GPSM1: variants seen among roughly 807,000 people sequenced by gnomAD.
GPSM1 encodes G protein-signaling modulator 1.
A neutral mutation model predicts 70.5 loss-of-function variants in GPSM1; 48 were observed. The ratio of observed to expected loss-of-function variants is 0.68; its 90% CI spans 0.54 to 0.87. The LOEUF (loss-of-function observed/expected upper bound fraction) is 0.87, where lower values mean the gene tolerates loss of function less well. Ranked by LOEUF, GPSM1 falls within the 40% of genes least tolerant of loss-of-function variation. GPSM1 has a pLI of 0.00. For synonymous variants in GPSM1, 416 were observed against 430.1 expected (o/e 0.97, Z 0.41); for missense variants, 981 against 972.6 (o/e 1.01, Z -0.11).
chr9:136,358,292 C>T lies in GPSM1; in HGVS notation c.*72C>T, dbSNP rs1832900464. 7.6e-7 allele frequency: 1 copy of T among 1,322,792 alleles called. No individual in the cohort carries two copies. Among genetic ancestry groups the T allele is most frequent in the South Asian group, 1.3e-5 (1 of 78,306 alleles). 81.9% of individuals were successfully genotyped at this position (1,322,792 alleles called of 1,614,324 possible). A position where few individuals can be genotyped will look rare whatever the true frequency, so the allele number is the denominator to read the frequency against. ...CCGGTCTCACAGTCACAGCCACGTCCTCCCGAGGCCATTGCCGAGGACAGG... is the reference window on the plus strand; with the variant it reads ...CCGGTCTCACAGTCACAGCCACGTCTTCCCGAGGCCATTGCCGAGGACAGG... On this transcript the variant is annotated 3_prime_UTR_variant, in exon 14 of 14. Transcript: ENST00000440944.
chr9:136,353,973 C>T (rs149898339), intron 11 of GPSM1, among the ~76,000 whole-genome samples: 430 of 152,350 alleles, frequency 2.8e-3, no homozygotes, highest in African/African-American at 9.8e-3. Flanking sequence ...CCAATTCTCC[C>T]CTCCCTCCTG....
At chr9:136,350,484 C>T (rs1832633091) in intron 11 of GPSM1, among the ~76,000 whole-genome samples, 1 of 152,234 alleles carries the variant, frequency 6.6e-6, no homozygotes, top group South Asian at 2.1e-4. Context: ...ACCTGCAGCT[C>T]CAGCTGGGCC....
rs1554770210 is a variant in GPSM1, at chr9:136,341,109, A to G, written c.1207+116A>G. 8 of 1,549,896 alleles carry G rather than the reference A, an allele frequency of 5.2e-6. No homozygotes were observed. The Admixed American group carries it at 9.8e-5, about 19-fold the overall frequency. ...ATGGCGGAGGTGGCAGCCGCCAGAA[A>G]ATGGCGCCTACAAGCCAGTTCTTCT... On this transcript the variant is annotated intron_variant, in intron 9 of 13. Transcript: ENST00000440944. The surrounding 1 kb of genome is among the most constrained non-coding windows in gnomAD (Gnocchi z 6.7).
rs1554770564 is a variant in GPSM1 at position 136,342,791 on chromosome 9, G to A, written c.1207+1798G>A. On this transcript the variant is annotated intron_variant, in intron 9 of 13. Coordinates refer to ENST00000440944, the MANE Select transcript of GPSM1 (RefSeq NM_001145638.3). This position sits in a 1 kb window ranked among gnomAD's most constrained non-coding sequence, Gnocchi z 5.5. ...GAGGGGGGTGCAGAGCCGCGCTAGA[G>A]CCTGGCCGTGCGGAGGGGGCGCCAG... Among the ~76,000 whole-genome samples the A allele has an allele frequency of 6.6e-6, 1 of 151,900 alleles. No individual in the cohort carries two copies. Among genetic ancestry groups the A allele is most frequent in the Non-Finnish European group, 1.5e-5 (1 of 67,934 alleles).
chr9:136,354,919 C>A, intron 11 of GPSM1: 1 of 1,024,620 alleles, frequency 9.8e-7, no homozygotes, highest in Non-Finnish European at 1.2e-6. Flanking sequence ...GTGTTCCAGG[C>A]CAAGGCTGGG....
intron 5 of GPSM1, 52 bp from the exon 6 acceptor site, chr9:136,337,794 T>C (rs200139324): frequency 5.6e-6 from 8 of 1,416,360 alleles, no homozygotes; most frequent in Non-Finnish European, 8.0e-6. Flanking sequence ...TCCGCCCACG[T>C]CAGGCCCCGG....
At chr9:136,337,628 C>G in intron 5 of GPSM1, 64 bp downstream of exon 5, 1 of 1,470,056 alleles carries the variant, frequency 6.8e-7, no homozygotes. Context: ...CTGAGCCACC[C>G]TCTTGGCGGT....
rs1832916362 is a variant in GPSM1 at position 136,358,783 on chromosome 9, T to C, written c.*563T>C. The C allele has an allele frequency of 6.1e-6, 1 of 163,878 alleles. No individual in the cohort carries two copies. Among genetic ancestry groups the C allele is most frequent in the Non-Finnish European group, 1.3e-5 (1 of 76,650 alleles). The allele number at this position is 163,878 out of a possible 1,614,324, so 10.2% of individuals were successfully genotyped here. A position where few individuals can be genotyped will look rare whatever the true frequency, so the allele number is the denominator to read the frequency against. On this transcript the variant is annotated 3_prime_UTR_variant, in exon 14 of 14. Coordinates refer to ENST00000440944, the MANE Select transcript of GPSM1 (RefSeq NM_001145638.3). Reference sequence around the variant, plus strand: ...CACAGAAGGCCCCCCAGACCACGCATGGCAGACCAGGCTGCAGTGGCAGCC... The same window carrying C: ...CACAGAAGGCCCCCCAGACCACGCACGGCAGACCAGGCTGCAGTGGCAGCC...
intron 1 of GPSM1, among the ~76,000 whole-genome samples, chr9:136,331,545 A>C (rs1476748172): frequency 3.3e-5 from 5 of 152,286 alleles, no homozygotes; most frequent in Middle Eastern, 6.8e-3. Context: ...GCCTGGGGGA[A>C]GAGGTGCTGG....
Position 136,356,322 on chromosome 9 carries a change from C to T in GPSM1, c.1613-20C>T. The T allele has an allele frequency of 6.5e-7, 1 of 1,531,250 alleles. No homozygotes were observed. Among genetic ancestry groups the T allele is most frequent in the Non-Finnish European group, 8.8e-7 (1 of 1,136,220 alleles). 94.9% of individuals were successfully genotyped at this position (1,531,250 alleles called of 1,614,324 possible). A position where few individuals can be genotyped will look rare whatever the true frequency, so the allele number is the denominator to read the frequency against. On this transcript the variant is annotated intron_variant, in intron 12 of 13. Coordinates refer to ENST00000440944, the MANE Select transcript of GPSM1 (RefSeq NM_001145638.3). ...TGACCCCGCACTGGGTCCCAGGTCTCACCCTCTGGCCCCCCGCAGCCCAGC... is the reference window on the plus strand; with the variant it reads ...TGACCCCGCACTGGGTCCCAGGTCTTACCCTCTGGCCCCCCGCAGCCCAGC...
Position 136,336,112 on chromosome 9 carries a change from G to C in GPSM1, c.426+11G>C. ...GAGCAGGGAGACAAGGTGGGGGCTT[G>C]GTCCGGGGCTGGGTGTCTCCCACCC... On this transcript the variant is annotated intron_variant, in intron 3 of 13. Coordinates refer to ENST00000440944, the MANE Select transcript of GPSM1 (RefSeq NM_001145638.3). The C allele has an allele frequency of 6.2e-7, 1 of 1,608,772 alleles. No individual in the cohort carries two copies. Among genetic ancestry groups the C allele is most frequent in the Non-Finnish European group, 8.5e-7 (1 of 1,179,562 alleles).
rs1832910421 is a variant in GPSM1 at position 136,358,561 on chromosome 9, CCTG to C, written c.*345_*347del. On this transcript the variant is annotated 3_prime_UTR_variant, in exon 14 of 14. Coordinates refer to ENST00000440944, the MANE Select transcript of GPSM1 (RefSeq NM_001145638.3). ...TGCCCTGCCCTGCCAAATGTGAAAC[CCTG>C]CTGTCTCCCCCACCCTCCCCAAAGG... 2.3e-6 allele frequency: 1 copy of C among 438,608 alleles called. No homozygotes were observed. Among genetic ancestry groups the C allele is most frequent in the Non-Finnish European group, 4.1e-6 (1 of 246,322 alleles). 27.2% of individuals were successfully genotyped at this position (438,608 alleles called of 1,614,324 possible). A position where few individuals can be genotyped will look rare whatever the true frequency, so the allele number is the denominator to read the frequency against.
At position 136,341,293 on chromosome 9, in the gene GPSM1, C is replaced by T. The variant is rs940476271; in HGVS notation, c.1207+300C>T. 68 of 1,462,520 alleles carry T rather than the reference C, an allele frequency of 4.6e-5. No individual in the cohort carries two copies. Among genetic ancestry groups the T allele is most frequent in the South Asian group, 1.1e-4 (8 of 70,100 alleles). The allele number at this position is 1,462,520 out of a possible 1,614,324, so 90.6% of individuals were successfully genotyped here. A position where few individuals can be genotyped will look rare whatever the true frequency, so the allele number is the denominator to read the frequency against. The stretch of plus-strand genomic sequence containing the variant: ...CACCCCCACCTCCCCCTGGAGCCCT[C>T]GGTGCAGGGAGGGCTTCTGTCCTCA... On this transcript the variant is annotated intron_variant, in intron 9 of 13. Coordinates refer to ENST00000440944, the MANE Select transcript of GPSM1 (RefSeq NM_001145638.3). This position sits in a 1 kb window ranked among gnomAD's most constrained non-coding sequence, Gnocchi z 6.7.
intron 9 of GPSM1, among the ~76,000 whole-genome samples, chr9:136,348,111 G>A (rs374623881): frequency 6.6e-6 from 1 of 152,186 alleles, no homozygotes; most frequent in African/African-American, 2.4e-5. Context: ...GTGGAGACAC[G>A]GCCAGTAGGG....
rs782066795 is a variant in GPSM1, at chr9:136,335,958, C to T, written c.291-8C>T. ...CAGCCTGACCCCTCACTCCTCCCTG[C>T]CATCCAGGACCATCGGTGACCGCAT... On this transcript the variant is annotated splice_polypyrimidine_tract_variant and splice_region_variant and intron_variant, in intron 2 of 13. Transcript: ENST00000440944. 2 of 1,611,536 alleles carry T rather than the reference C, an allele frequency of 1.2e-6. No homozygotes were observed. The highest frequency in any genetic ancestry group is 1.7e-6 in the Non-Finnish European group (2 of 1,179,332).
intron 11 of GPSM1, 104 bp from the exon 12 acceptor site, chr9:136,355,586 G>T (rs1832791687): frequency 1.8e-6 from 2 of 1,101,198 alleles, no homozygotes; most frequent in Non-Finnish European, 2.6e-6. Flanking sequence ...TCCCGATCTT[G>T]GCCAGGGTCT....
rs1554773226 is a variant in GPSM1, at chr9:136,356,550, G to A, written c.1821G>A (p.Gln607=). The change falls in exon 13 of 14, where the codon CAG becomes CAA. Residue 607 remains glutamine, a splice_region_variant and synonymous_variant. Transcript: ENST00000440944. The stretch of plus-strand genomic sequence containing the variant: ...TCTTCAACATGCTCATCAAGTACCA[G>A]GTGGGCTGCGGCCCTGGGCGGGCGT... The part of the protein sequence containing the change: ...DDFFNMLIKY[Q]SSRIDDQRCP... 5 of 1,608,370 alleles carry A rather than the reference G, an allele frequency of 3.1e-6. No individual in the cohort carries two copies. The highest frequency in any genetic ancestry group is 3.4e-6 in the Non-Finnish European group (4 of 1,177,074).
Position 136,341,449 on chromosome 9 carries a change from G to C in GPSM1, c.1207+456G>C. 7.3e-7 allele frequency: 1 copy of C among 1,373,486 alleles called. No homozygotes were observed. Among genetic ancestry groups the C allele is most frequent in the Non-Finnish European group, 9.4e-7 (1 of 1,066,380 alleles). 85.1% of individuals were successfully genotyped at this position (1,373,486 alleles called of 1,614,324 possible). ...AATCAGGCAAGGCCCAAGGCCATGC[G>C]AGGCCACCGTGGTGACCTCATTCAT... On this transcript the variant is annotated intron_variant, in intron 9 of 13. Transcript: ENST00000440944. This position sits in a 1 kb window ranked among gnomAD's most constrained non-coding sequence, Gnocchi z 6.7.
intron 1 of GPSM1, among the ~76,000 whole-genome samples, chr9:136,329,645 G>A (rs1432906352): frequency 1.3e-5 from 2 of 152,298 alleles, no homozygotes; most frequent in South Asian, 2.1e-4. Flanking sequence ...CCTCTGCCCC[G>A]TCTACTGCCT....
Sources: allele counts gnomAD v4.1 joint callset (sites outside exome capture counted in the v4.1 genomes callset), GRCh38; gene constraint gnomAD v4.1.1; non-coding constraint Gnocchi (gnomAD v3.1); transcripts MANE v1.5; gene names NCBI Gene and HGNC (gene_info 2026-07-23, HGNC 2026-07-21).